Variants in GYPE observed in about 807,000 individuals in gnomAD.
GYPE encodes the protein glycophorin-E.
In GYPE, 8 loss-of-function variants were observed where a neutral mutation model predicts 11.6. That is an observed-to-expected ratio of 0.69 (90% CI 0.41 to 1.25). GYPE has a LOEUF of 1.25. Among genes scored for constraint, GYPE ranks in the 50% most tolerant of loss-of-function variants. GYPE has a pLI of 0.01. For synonymous variants in GYPE, 28 were observed against 29.6 expected, an observed-to-expected ratio of 0.94 and a Z score of 0.18; for missense variants, 90 against 92.8, an observed-to-expected ratio of 0.97 and a Z score of 0.12.
chr4:143,900,137 A>T (rs1744805476), intron 1 of GYPE, among the ~76,000 whole-genome samples: 1 of 151,776 alleles, frequency 6.6e-6, no homozygotes, highest in African/African-American at 2.4e-5. Context: ...GTGAAGGACT[A>T]GAACCAACAT....
At chr4:143,894,412 T>C (rs1292219834) in intron 1 of GYPE, among the ~76,000 whole-genome samples, 1 of 152,068 alleles carries the variant, frequency 6.6e-6, no homozygotes, top group African/African-American at 2.4e-5. Context: ...CCAGTTTTTC[T>C]GCTCTGTTTT....
intron 3 of GYPE, among the ~76,000 whole-genome samples, chr4:143,876,051 A>T (rs1743795465): frequency 1.3e-5 from 2 of 152,016 alleles, no homozygotes; most frequent in African/African-American, 4.8e-5. Flanking sequence ...TGGAAATTTG[A>T]AAAATCTGTT....
At chr4:143,895,134 T>C (rs1001244732) in intron 1 of GYPE, among the ~76,000 whole-genome samples, 1 of 152,110 alleles carries the variant, frequency 6.6e-6, no homozygotes, top group African/African-American at 2.4e-5. Flanking sequence ...CTATTCAACA[T>C]AGTATTGGAA....
chr4:143,887,706 C>G (rs1343620371), intron 1 of GYPE, among the ~76,000 whole-genome samples: 3 of 150,760 alleles, frequency 2.0e-5, no homozygotes, highest in African/African-American at 7.3e-5. Context: ...TGGCAAATCT[C>G]TCAGATTGAT....
chr4:143,879,353 T>C (rs1743934897), intron 2 of GYPE, among the ~76,000 whole-genome samples: 1 of 152,188 alleles, frequency 6.6e-6, no homozygotes, highest in Admixed American at 6.5e-5. Context: ...AATTACTTAG[T>C]ATATACTACG....
chr4:143,885,181 G>A (rs1428164694), intron 1 of GYPE, among the ~76,000 whole-genome samples: 3 of 152,060 alleles, frequency 2.0e-5, no homozygotes, highest in Non-Finnish European at 2.9e-5. Flanking sequence ...ACAGCAGATT[G>A]TCAAAAGAAT....
rs1743630339 is a variant in GYPE at position 143,871,867 on chromosome 4, A to G, written c.*395T>C. The stretch of plus-strand genomic sequence containing the variant: ...GTGATTGAGCAGCTGAATTCCATCC[A>G]TTTGGTGGGTAAGGACCTCAGAGTA... On this transcript the variant is annotated 3_prime_UTR_variant, in exon 4 of 4. Transcript: ENST00000358615. 1 of 152,176 alleles carries G rather than the reference A, an allele frequency of 6.6e-6. No homozygotes were observed. The highest frequency in any genetic ancestry group is 2.1e-4 in the South Asian group (1 of 4,826). The allele number at this position is 152,176 out of a possible 1,614,324, so 9.4% of individuals were successfully genotyped here.
intron 1 of GYPE, among the ~76,000 whole-genome samples, chr4:143,886,289 C>G (rs62338492): frequency 0.9 from 119,064 of 132,772 alleles, 54,038 homozygotes; most frequent in East Asian, 1. Context: ...TTCATCAATA[C>G]CTTCAAATTA....
At chr4:143,893,863 G>C (rs542413985) in intron 1 of GYPE, among the ~76,000 whole-genome samples, 1 of 152,040 alleles carries the variant, frequency 6.6e-6, no homozygotes, top group African/African-American at 2.4e-5. Context: ...GGCCTGCCTT[G>C]CTAGACTGGG....
At chr4:143,877,630 A>C (rs1293543239) in intron 2 of GYPE, among the ~76,000 whole-genome samples, 2 of 152,190 alleles carry the variant, frequency 1.3e-5, no homozygotes, top group South Asian at 4.1e-4. Context: ...TTAATATTTA[A>C]AAGTCCTATT....
chr4:143,890,484 T>C (rs1352175081), intron 1 of GYPE, among the ~76,000 whole-genome samples: 1 of 152,234 alleles, frequency 6.6e-6, no homozygotes, highest in Non-Finnish European at 1.5e-5. Context: ...TGGTACTTCC[T>C]TTCTCTGGTT....
At chr4:143,897,800 A>C (rs1838514) in intron 1 of GYPE, among the ~76,000 whole-genome samples, 147,715 of 152,022 alleles carry the variant, frequency 0.97, 71,933 homozygotes, top group East Asian at 1. Flanking sequence ...CTAAGACTTT[A>C]TATGTGTGCT....
Position 143,880,435 on chromosome 4 carries a change from T to A in GYPE, c.112A>T (p.Ser38Cys). 6.2e-7 allele frequency: 1 copy of A among 1,613,998 alleles called. No homozygotes were observed. The highest frequency in any genetic ancestry group is 1.1e-5 in the South Asian group (1 of 91,078). ...HTSTSSSVTK[S>C]YISSQTNGIT... The stretch of plus-strand genomic sequence containing the variant: ...CCATTTGTCTGTGATGAGATGTAAC[T>A]CTTTGTGACTGAAGAAGAGGTTGAA... Residue 38 changes from serine (S) to cysteine (C), a missense_variant, in exon 2 of 4, where the codon AGT (serine) becomes TGT (cysteine). Ser to Cys is a moderately radical substitution (Grantham distance 112). Transcript: ENST00000358615.
intron 1 of GYPE, among the ~76,000 whole-genome samples, chr4:143,883,737 A>G (rs1216132184): frequency 6.6e-6 from 1 of 151,010 alleles, no homozygotes; most frequent in Non-Finnish European, 1.5e-5. Context: ...ATGCAGAATG[A>G]ATGCAAGCAT....
intron 2 of GYPE, among the ~76,000 whole-genome samples, chr4:143,877,912 G>C (rs2149904857): frequency 6.8e-6 from 1 of 147,512 alleles, no homozygotes; most frequent in African/African-American, 2.5e-5. Flanking sequence ...ATGAATCAAG[G>C]CTGAGATTTA....
chr4:143,894,383 G>A (rs890387027), intron 1 of GYPE, among the ~76,000 whole-genome samples: 13 of 151,934 alleles, frequency 8.6e-5, no homozygotes, highest in Non-Finnish European at 1.6e-4. Flanking sequence ...GAGGAGAGGT[G>A]CTCTGCTTTT....
chr4:143,894,976 C>T (rs1345945752), intron 1 of GYPE, among the ~76,000 whole-genome samples: 1 of 152,190 alleles, frequency 6.6e-6, no homozygotes, highest in Non-Finnish European at 1.5e-5. Context: ...TAAAAACTCT[C>T]CATAAATTAG....
chr4:143,876,878 C>A (rs760276527), intron 2 of GYPE, 23 bp from the exon 3 acceptor site: 51 of 1,366,778 alleles, frequency 3.7e-5, no homozygotes, highest in Non-Finnish European at 4.5e-5. Flanking sequence ...AAGAGAGCGG[C>A]AAAATTATGA....
chr4:143,875,538 T>G, intron 3 of GYPE: 1 of 1,550,828 alleles, frequency 6.4e-7, no homozygotes, highest in East Asian at 2.4e-5. Flanking sequence ...AGTTTCCACT[T>G]CAGCCTCTGC....
Sources: allele counts gnomAD v4.1 joint callset (sites outside exome capture counted in the v4.1 genomes callset), GRCh38; gene constraint gnomAD v4.1.1; transcripts MANE v1.5; gene names NCBI Gene and HGNC (gene_info 2026-07-23, HGNC 2026-07-21).